NT5DC1: variants seen among roughly 807,000 people sequenced by gnomAD.
NT5DC1 encodes 5'-nucleotidase domain containing 1, also known as 5'-nucleotidase domain-containing protein 1.
In NT5DC1, 42 loss-of-function variants were observed where a neutral mutation model predicts 59.4. That is an observed-to-expected ratio of 0.71 (90% CI 0.55 to 0.92). The LOEUF (loss-of-function observed/expected upper bound fraction) is 0.92. NT5DC1 is among the 40% of genes least tolerant of loss of function. The pLI is 0.00. For missense variants in NT5DC1, 501 were observed against 537.1 expected (o/e 0.93, Z 0.66); for synonymous variants, 172 against 188.1 (o/e 0.91, Z 0.70).
intron 6 of NT5DC1, among the ~76,000 whole-genome samples, chr6:116,178,241 G>C (rs1415610490): frequency 6.6e-6 from 1 of 152,006 alleles, no homozygotes; most frequent in Non-Finnish European, 1.5e-5. Flanking sequence ...ATACCTAGGG[G>C]ACCTCTCTCC....
rs774861042 is a variant in NT5DC1, at chr6:116,121,820, G to C, written c.529+3875G>C. 5.4e-5 allele frequency: 87 copies of C among 1,613,846 alleles called. No individual in the cohort carries two copies. The highest frequency in any genetic ancestry group is 7.1e-5 in the Non-Finnish European group (84 of 1,179,986). On this transcript the variant is annotated intron_variant, in intron 6 of 11. Transcript: ENST00000319550. The stretch of plus-strand genomic sequence containing the variant: ...TTTCCCTACAGCTGATGGTCCCGGT[G>C]GTCCTGGCAACCCTGGCTCTCCTTG...
intron 11 of NT5DC1, among the ~76,000 whole-genome samples, chr6:116,241,933 A>C (rs1266940119): frequency 1.1e-4 from 3 of 28,262 alleles, no homozygotes; most frequent in Non-Finnish European, 2.0e-4. Flanking sequence ...AAAAAAAAAA[A>C]AAAAACAAAA....
At chr6:116,126,079 G>A (rs1166760047) in intron 6 of NT5DC1, 1 of 154,532 alleles carries the variant, frequency 6.5e-6, no homozygotes, top group Non-Finnish European at 1.4e-5. Context: ...CCTGGAGATG[G>A]TGCCTTGGCA....
intron 6 of NT5DC1, chr6:116,121,818 G>C (rs1268464235): frequency 6.2e-7 from 1 of 1,613,964 alleles, no homozygotes; most frequent in Non-Finnish European, 8.5e-7. Flanking sequence ...GATGGTCCCG[G>C]TGGTCCTGGC....
chr6:116,138,423 G>C (rs553334707), intron 6 of NT5DC1, among the ~76,000 whole-genome samples: 1 of 152,130 alleles, frequency 6.6e-6, no homozygotes, highest in East Asian at 1.9e-4. Context: ...ATCCCACTAC[G>C]TCTGCTTTCC....
intron 6 of NT5DC1, among the ~76,000 whole-genome samples, chr6:116,150,299 T>A (rs1780007521): frequency 1.3e-5 from 2 of 152,118 alleles, no homozygotes; most frequent in Non-Finnish European, 2.9e-5. Flanking sequence ...TAATTATTAT[T>A]TTTTCAGACA....
At chr6:116,147,000 A>T (rs374734438) in intron 6 of NT5DC1, among the ~76,000 whole-genome samples, 1 of 146,694 alleles carries the variant, frequency 6.8e-6, no homozygotes, top group Non-Finnish European at 1.5e-5. Flanking sequence ...AATAATATAA[A>T]ATATATATAT....
chr6:116,220,122 C>CTTTTTTTTTTTTTTTTTTTTTTTT (rs60827021), intron 6 of NT5DC1, among the ~76,000 whole-genome samples: 5 of 98,620 alleles, frequency 5.1e-5, no homozygotes, highest in African/African-American at 2.2e-4. Context: ...GCTGTTTAAC[C>CTTTTTTTTTTTTTTTTTTTTTTTT]TTTTTTTTTT....
chr6:116,167,206 AT>A (rs61348980), intron 6 of NT5DC1, among the ~76,000 whole-genome samples: 14,445 of 87,514 alleles, frequency 0.17, 470 homozygotes, highest in African/African-American at 0.3. Context: ...CAAATAGAAG[AT>A]TTTTTTTTTT....
intron 6 of NT5DC1, among the ~76,000 whole-genome samples, chr6:116,220,635 G>A (rs1172273424): frequency 6.6e-6 from 1 of 152,178 alleles, no homozygotes; most frequent in Admixed American, 6.5e-5. Context: ...TGCAAAAGAT[G>A]TGATCCTGGT....
intron 6 of NT5DC1, chr6:116,120,355 T>C: frequency 6.2e-7 from 1 of 1,614,242 alleles, no homozygotes; most frequent in Non-Finnish European, 8.5e-7. Context: ...AAGTAAAGAT[T>C]CCAGTCCTTG....
chr6:116,125,950 C>G (rs1779288354), intron 6 of NT5DC1: 1 of 157,870 alleles, frequency 6.3e-6, no homozygotes, highest in Admixed American at 6.3e-5. Context: ...TTTTTTAAAT[C>G]ACTTTAATAC....
intron 6 of NT5DC1, among the ~76,000 whole-genome samples, chr6:116,147,984 CAA>C (rs1445896372): frequency 9.2e-6 from 1 of 109,120 alleles, no homozygotes. Flanking sequence ...GACTCTGTCT[CAA>C]AAAAAAAAAA....
At chr6:116,235,998 A>C (rs1212710314) in intron 8 of NT5DC1, among the ~76,000 whole-genome samples, 2 of 152,182 alleles carry the variant, frequency 1.3e-5, no homozygotes, top group African/African-American at 2.4e-5. Flanking sequence ...TTGTTCTCTT[A>C]AAGAGGACCC....
chr6:116,191,380 C>T (rs1781114040), intron 6 of NT5DC1, among the ~76,000 whole-genome samples: 1 of 151,820 alleles, frequency 6.6e-6, no homozygotes, highest in African/African-American at 2.4e-5. Flanking sequence ...GTGTGATGGC[C>T]CCCATTTCTC....
intron 6 of NT5DC1, chr6:116,121,338 G>A (rs1360718814): frequency 6.2e-7 from 1 of 1,614,026 alleles, no homozygotes; most frequent in African/African-American, 1.3e-5. Flanking sequence ...ATGCCTTCTG[G>A]CCCTCGTTCC....
At chr6:116,120,914 C>T (rs1158588519) in intron 6 of NT5DC1, 2 of 1,613,848 alleles carry the variant, frequency 1.2e-6, no homozygotes, top group Non-Finnish European at 1.7e-6. Flanking sequence ...CCCTGGGTTA[C>T]CCTTAGGACC....
chr6:116,196,631 T>TAAAC (rs1462427984), intron 6 of NT5DC1, among the ~76,000 whole-genome samples: 4 of 152,058 alleles, frequency 2.6e-5, no homozygotes, highest in Non-Finnish European at 5.9e-5. Context: ...GAGGAGTAGC[T>TAAAC]TCATTACACT....
At chr6:116,221,299 A>T in intron 7 of NT5DC1, 71 bp downstream of exon 7, 1 of 903,478 alleles carries the variant, frequency 1.1e-6, no homozygotes, top group Non-Finnish European at 1.7e-6. Flanking sequence ...GGGCTTTTTT[A>T]AAAGTGTCAG....
Sources: allele counts gnomAD v4.1 joint callset (sites outside exome capture counted in the v4.1 genomes callset), GRCh38; gene constraint gnomAD v4.1.1; transcripts MANE v1.5; gene names NCBI Gene and HGNC (gene_info 2026-07-23, HGNC 2026-07-21).